PARD3B: variants seen among roughly 807,000 people sequenced by gnomAD.
PARD3B encodes the protein par-3 family cell polarity regulator beta, also known as partitioning defective 3 homolog B.
In PARD3B, 103 loss-of-function variants were observed where a neutral mutation model predicts 130.2. The ratio of observed to expected loss-of-function variants is 0.79; its 90% confidence interval spans 0.67 to 0.93. The LOEUF (loss-of-function observed/expected upper bound fraction) is 0.93. Among genes scored for constraint, PARD3B ranks in the 40% least tolerant of loss-of-function variants. The probability of loss-of-function intolerance (pLI) is 0.00; values close to 1 mark genes in which losing one functional copy is unlikely to be tolerated. For synonymous variants in PARD3B, 583 were observed against 553.2 expected, an observed-to-expected ratio of 1.05 and a Z score of -0.76; for missense variants, 1,609 against 1,499.2, an observed-to-expected ratio of 1.07 and a Z score of -1.21.
intron 2 of PARD3B, among the ~76,000 whole-genome samples, chr2:204,941,352 C>T (rs1434884863): frequency 1.3e-5 from 2 of 152,008 alleles, no homozygotes; most frequent in Non-Finnish European, 2.9e-5. Context: ...CCAGCCTGGG[C>T]GACAGAGCGA....
intron 3 of PARD3B, among the ~76,000 whole-genome samples, chr2:205,002,355 G>C (rs971485590): frequency 6.6e-6 from 1 of 152,172 alleles, no homozygotes; most frequent in Non-Finnish European, 1.5e-5. Context: ...CAGACCCTGT[G>C]CTGGCTTTCC....
At chr2:204,694,290 A>G (rs2037505631) in intron 2 of PARD3B, among the ~76,000 whole-genome samples, 2 of 152,064 alleles carry the variant, frequency 1.3e-5, no homozygotes, top group Non-Finnish European at 2.9e-5. Flanking sequence ...TATAGAAACG[A>G]TTAAGTGGTC....
chr2:205,593,222 T>A (rs1281487175), intron 22 of PARD3B, among the ~76,000 whole-genome samples: 1 of 152,262 alleles, frequency 6.6e-6, no homozygotes, highest in African/African-American at 2.4e-5. Flanking sequence ...AAGCCATTTC[T>A]TTCTACCAGA....
At chr2:205,447,621 C>A (rs956177155) in intron 20 of PARD3B, among the ~76,000 whole-genome samples, 2 of 152,180 alleles carry the variant, frequency 1.3e-5, no homozygotes, top group Non-Finnish European at 1.5e-5. Flanking sequence ...TCATGATCTG[C>A]CCACCTGGGC....
chr2:205,193,601 AT>A (rs2036512027), intron 15 of PARD3B, among the ~76,000 whole-genome samples: 1 of 152,200 alleles, frequency 6.6e-6, no homozygotes. Context: ...GAGGATCTGA[AT>A]TCCAGAGGCA....
intron 2 of PARD3B, among the ~76,000 whole-genome samples, chr2:204,729,771 A>AT (rs2125336000): frequency 1.3e-5 from 2 of 151,980 alleles, no homozygotes; most frequent in African/African-American, 4.8e-5. Context: ...AATGACCCCT[A>AT]TTTTTTATTG....
At chr2:205,416,483 T>G (rs544602111) in intron 19 of PARD3B, among the ~76,000 whole-genome samples, 5 of 152,198 alleles carry the variant, frequency 3.3e-5, no homozygotes, top group African/African-American at 1.2e-4. Flanking sequence ...AGAAAAATGT[T>G]GGGGGTAAAG....
At position 204,761,553 on chromosome 2, in the gene PARD3B, GTTTT is replaced by G. The variant is rs1215472400; in HGVS notation, c.222+75277_222+75280del. Among the ~76,000 whole-genome samples the G allele has an allele frequency of 2.7e-5, 4 of 146,672 alleles. No individual in the cohort carries two copies. The East Asian group carries it at 8.1e-4, about 30-fold the overall frequency. On this transcript the variant is annotated intron_variant, in intron 2 of 22. Transcript: ENST00000406610. ...CCATTTATTAAATTCACCCATAGTTGTTTTTTTTTAAATAAGGGGAGCTTGCATT... is the reference window on the plus strand; with the variant it reads ...CCATTTATTAAATTCACCCATAGTTGTTTTTAAATAAGGGGAGCTTGCATT...
At position 205,160,737 on chromosome 2, in the gene PARD3B, G is replaced by A. The variant is rs981510517; in HGVS notation, c.1620+1830G>A. On this transcript the variant is annotated intron_variant, in intron 11 of 22. Transcript: ENST00000406610. This position sits in a 1 kb window ranked among gnomAD's most constrained non-coding sequence, Gnocchi z 4.0. ...ACACTAGGATAGGTGTTTTATATGG[G>A]TTATCTAACTTTATTCACATTTACA... Among the ~76,000 whole-genome samples, 2 of 152,172 alleles carry A rather than the reference G, an allele frequency of 1.3e-5. No homozygotes were observed. Among genetic ancestry groups the A allele is most frequent in the African/African-American group, 2.4e-5 (1 of 41,444 alleles).
At chr2:204,574,003 G>A (rs1408661751) in intron 1 of PARD3B, among the ~76,000 whole-genome samples, 1 of 152,176 alleles carries the variant, frequency 6.6e-6, no homozygotes, top group Non-Finnish European at 1.5e-5. Context: ...GTAGGCATTT[G>A]TTTTGCTTGA....
At chr2:205,359,801 A>G (rs1273447150) in intron 18 of PARD3B, among the ~76,000 whole-genome samples, 3 of 152,058 alleles carry the variant, frequency 2.0e-5, no homozygotes, top group Non-Finnish European at 4.4e-5. Flanking sequence ...AGCACCCTTT[A>G]CCGCACAATG....
intron 20 of PARD3B, among the ~76,000 whole-genome samples, chr2:205,478,036 C>G (rs942778696): frequency 1.3e-5 from 2 of 152,232 alleles, no homozygotes; most frequent in Non-Finnish European, 2.9e-5. Flanking sequence ...GGAAGCCCCA[C>G]TCCACTTCAT....
intron 18 of PARD3B, among the ~76,000 whole-genome samples, chr2:205,331,353 C>T (rs978388556): frequency 6.6e-6 from 1 of 152,004 alleles, no homozygotes; most frequent in African/African-American, 2.4e-5. Flanking sequence ...GTCTCTTAAA[C>T]CCCTGAGCAG....
intron 10 of PARD3B, among the ~76,000 whole-genome samples, chr2:205,147,085 TTC>T (rs2033420049): frequency 6.6e-6 from 1 of 152,198 alleles, no homozygotes; most frequent in Admixed American, 6.5e-5. Context: ...CTAATCAGGT[TTC>T]TCTAATCTAC....
At chr2:205,238,894 A>ATGTGTGTG (rs1559575195) in intron 15 of PARD3B, among the ~76,000 whole-genome samples, 26 of 125,854 alleles carry the variant, frequency 2.1e-4, no homozygotes, top group Middle Eastern at 4.8e-3. Flanking sequence ...GTGTATATAT[A>ATGTGTGTG]TATATATATA....
rs767408894 is a variant in PARD3B, at chr2:205,321,472, CTCTT to C, written c.2630+19774_2630+19777del. ...TCTCTCTTTCTCTCTCTTCCTCTCT[CTCTT>C]TCCCTCTCTCTCTCTCTCCCCCCGC... On this transcript the variant is annotated intron_variant, in intron 18 of 22. Transcript: ENST00000406610. This position sits in a 1 kb window ranked among gnomAD's most constrained non-coding sequence, Gnocchi z 4.2. Among the ~76,000 whole-genome samples the C allele has an allele frequency of 4.3e-4, 66 of 152,200 alleles. No individual in the cohort carries two copies. In the South Asian group the frequency reaches 4.6e-3, roughly 11 times the overall value.
chr2:205,297,792 C>T (rs1402429089), intron 16 of PARD3B, among the ~76,000 whole-genome samples: 2 of 152,288 alleles, frequency 1.3e-5, no homozygotes, highest in African/African-American at 4.8e-5. Context: ...ACTCAACCAC[C>T]CTTTTTGCTT....
intron 20 of PARD3B, among the ~76,000 whole-genome samples, chr2:205,449,898 TATA>T (rs2048039621): frequency 6.6e-6 from 1 of 152,178 alleles, no homozygotes; most frequent in Non-Finnish European, 1.5e-5. Flanking sequence ...ATAATTACAA[TATA>T]ATATGTTCCA....
At chr2:205,605,468 T>C (rs1030848805) in intron 22 of PARD3B, among the ~76,000 whole-genome samples, 11 of 152,114 alleles carry the variant, frequency 7.2e-5, no homozygotes, top group Non-Finnish European at 1.5e-4. Flanking sequence ...GTGTGTGTTT[T>C]GTTTTGTTGT....
Sources: gnomAD v4.1 joint callset for allele counts (sites outside exome capture counted in the v4.1 genomes callset) on GRCh38, gnomAD v4.1.1 for gene constraint, Gnocchi (gnomAD v3.1) non-coding constraint, MANE v1.5 for transcripts, NCBI Gene and HGNC (gene_info 2026-07-23, HGNC 2026-07-21) for gene names.